The following RTL4 variants were observed in gnomAD, a reference collection of about 807,000 sequenced individuals.
RTL4 encodes retrotransposon Gag like 4, also known as retrotransposon Gag-like protein 4.
Under a neutral mutation model 5.3 loss-of-function variants are expected in RTL4, and 4 were observed. That is an observed-to-expected ratio of 0.75 (90% CI 0.37 to 1.72). The LOEUF (loss-of-function observed/expected upper bound fraction) is 1.72, where lower values mean the gene tolerates loss of function less well. RTL4 is among the 40% of genes most tolerant of loss of function. RTL4 has a pLI of 0.04. For synonymous variants in RTL4, 98 were observed against 87.3 expected (o/e 1.12, Z -0.68); for missense variants, 260 against 227.1 (o/e 1.14, Z -0.93).
chrX:112,239,946 A>AAAT, the RTL4 span, among the ~76,000 whole-genome samples: 1 of 112,107 alleles, frequency 8.9e-6, no homozygotes, highest in African/African-American at 3.2e-5. Context: ...AGAACCAGGA[A>AAAT]AATTATAACT....
chrX:112,286,954 A>G, the RTL4 span, among the ~76,000 whole-genome samples: 5 of 112,174 alleles, frequency 4.5e-5, no homozygotes, highest in Non-Finnish European at 7.5e-5. Context: ...ACCACATTTC[A>G]TGTTACCACA....
At chrX:112,441,755 T>C in the RTL4 span, among the ~76,000 whole-genome samples, 1 of 112,254 alleles carries the variant, frequency 8.9e-6, no homozygotes, top group Non-Finnish European at 1.9e-5. Flanking sequence ...ACCTTAAATA[T>C]ATACAATTTT....
chrX:112,120,268 TTTTG>T, the RTL4 span, among the ~76,000 whole-genome samples: 54 of 111,239 alleles, frequency 4.9e-4, no homozygotes, highest in African/African-American at 1.7e-3. Context: ...AAACTTAAGG[TTTTG>T]TTTGTTTGTT....
At chrX:112,167,097 A>T in the RTL4 span, among the ~76,000 whole-genome samples, 1 of 111,554 alleles carries the variant, frequency 9.0e-6, no homozygotes, top group Non-Finnish European at 1.9e-5. Context: ...TAAAGCAAAA[A>T]ATGGACCATG....
At chrX:112,305,168 G>GT in the RTL4 span, among the ~76,000 whole-genome samples, 17 of 100,827 alleles carry the variant, frequency 1.7e-4, no homozygotes, top group Admixed American at 7.4e-4. Context: ...ATATCTTTGT[G>GT]TTTTTTTTGT....
the RTL4 span, among the ~76,000 whole-genome samples, chrX:112,184,761 T>C: frequency 8.9e-6 from 1 of 112,083 alleles, no homozygotes; most frequent in Non-Finnish European, 1.9e-5. Context: ...GTCAGAGATC[T>C]TGGTAAGAAA....
the RTL4 span, among the ~76,000 whole-genome samples, chrX:112,228,290 A>G: frequency 9.0e-6 from 1 of 111,562 alleles, no homozygotes; most frequent in African/African-American, 3.3e-5. Context: ...ACCCAGGATC[A>G]TGATTGGTTT....
At chrX:112,306,341 T>G in the RTL4 span, among the ~76,000 whole-genome samples, 1 of 111,851 alleles carries the variant, frequency 8.9e-6, no homozygotes, top group Middle Eastern at 4.2e-3. Flanking sequence ...ATTGAGTAAC[T>G]GGAACTATCT....
chrX:112,260,732 C>T, the RTL4 span, among the ~76,000 whole-genome samples: 5 of 111,627 alleles, frequency 4.5e-5, no homozygotes, highest in East Asian at 8.4e-4. Context: ...TTATTTAATC[C>T]GCATCCTTCT....
At chrX:112,190,851 C>T in the RTL4 span, among the ~76,000 whole-genome samples, 969 of 111,873 alleles carry the variant, frequency 8.7e-3, 11 homozygotes, top group African/African-American at 0.03. Flanking sequence ...TGGTTAGTCG[C>T]TGACATGGTA....
chrX:112,197,509 A>G, the RTL4 span, among the ~76,000 whole-genome samples: 2 of 110,628 alleles, frequency 1.8e-5, no homozygotes, highest in African/African-American at 3.3e-5. Context: ...TGAAGTCACA[A>G]TTTTTCTCTG....
the RTL4 span, among the ~76,000 whole-genome samples, chrX:112,095,898 A>C: frequency 1.7e-4 from 19 of 112,071 alleles, no homozygotes; most frequent in African/African-American, 6.1e-4. Context: ...TGGTGTGTAG[A>C]GGAAGTTGAG....
chrX:112,085,820 C>T, the RTL4 span, among the ~76,000 whole-genome samples: 2 of 111,894 alleles, frequency 1.8e-5, no homozygotes, highest in African/African-American at 3.3e-5. Context: ...AACAGAGTCT[C>T]AGAAAATAAT....
At chrX:112,403,146 C>T in the RTL4 span, among the ~76,000 whole-genome samples, 1,183 of 111,510 alleles carry the variant, frequency 0.011, 16 homozygotes, top group African/African-American at 0.037. Context: ...CCCCCCCAAC[C>T]TTTGCAACCA....
the RTL4 span, among the ~76,000 whole-genome samples, chrX:112,259,541 AC>A: frequency 8.2e-5 from 9 of 109,772 alleles, no homozygotes; most frequent in East Asian, 8.8e-4. Context: ...AATGGCAAAA[AC>A]CGCAATTACT....
the RTL4 span, among the ~76,000 whole-genome samples, chrX:112,378,634 C>G: frequency 8.9e-6 from 1 of 111,906 alleles, no homozygotes; most frequent in Non-Finnish European, 1.9e-5. Context: ...AAGGCACTAA[C>G]AAGCAAGTAG....
At chrX:112,136,886 G>A in the RTL4 span, among the ~76,000 whole-genome samples, 1 of 111,759 alleles carries the variant, frequency 8.9e-6, no homozygotes, top group Non-Finnish European at 1.9e-5. Context: ...GAACAAAATG[G>A]AGACCTGAAA....
the RTL4 span, among the ~76,000 whole-genome samples, chrX:112,111,903 A>G: frequency 5.4e-5 from 6 of 111,993 alleles, no homozygotes. Context: ...GGAGAAAAGT[A>G]GCAGGGTTGA....
the RTL4 span, among the ~76,000 whole-genome samples, chrX:112,117,142 G>A: frequency 9.3e-6 from 1 of 107,511 alleles, no homozygotes; most frequent in Non-Finnish European, 1.9e-5. Context: ...ATCGTTATAT[G>A]GTACATACAC....
Sources: allele counts gnomAD v4.1 joint callset (sites outside exome capture counted in the v4.1 genomes callset), GRCh38; gene constraint gnomAD v4.1.1; transcripts MANE v1.5; gene names NCBI Gene and HGNC (gene_info 2026-07-23, HGNC 2026-07-21).